Variants in ZNF514 observed in about 807,000 individuals in gnomAD.
ZNF514 encodes zinc finger protein 514.
In ZNF514, 12 loss-of-function variants were observed where a neutral mutation model predicts 9.7. The observed-to-expected ratio is 1.24, with a 90% CI of 0.79 to 2.01. The LOEUF (loss-of-function observed/expected upper bound fraction) is 2.01, where lower values mean the gene tolerates loss of function less well. Among genes scored for constraint, ZNF514 ranks in the 30% most tolerant of loss-of-function variants. ZNF514 has a pLI of 0.00. For synonymous variants in ZNF514, 158 were observed against 163.7 expected, an observed-to-expected ratio of 0.97 and a Z score of 0.27; for missense variants, 467 against 465.5, an observed-to-expected ratio of 1.00 and a Z score of -0.03.
At chr2:95,139,511 G>C in the ZNF514 span, among the ~76,000 whole-genome samples, 1 of 152,158 alleles carries the variant, frequency 6.6e-6, no homozygotes, top group Non-Finnish European at 1.5e-5. Flanking sequence ...GGGGACTGTA[G>C]CCCCTTTCTT....
chr2:95,138,511 G>A, the ZNF514 span, among the ~76,000 whole-genome samples: 1 of 152,210 alleles, frequency 6.6e-6, no homozygotes, highest in Non-Finnish European at 1.5e-5. Flanking sequence ...GGGATCTGTG[G>A]AAGTTTAAAT....
the ZNF514 span, among the ~76,000 whole-genome samples, chr2:95,133,083 C>T: frequency 6.6e-6 from 1 of 152,112 alleles, no homozygotes; most frequent in Non-Finnish European, 1.5e-5. Flanking sequence ...TCTCGTAAAT[C>T]CATGTCATAT....
the ZNF514 span, among the ~76,000 whole-genome samples, chr2:95,134,102 G>GA: frequency 1.3e-5 from 2 of 151,978 alleles, no homozygotes; most frequent in African/African-American, 4.8e-5. Flanking sequence ...AGGACTAAAG[G>GA]AATCTTTTCC....
intron 1 of ZNF514, chr2:95,158,789 T>C (rs1673756007): frequency 2.4e-6 from 3 of 1,239,668 alleles, no homozygotes; most frequent in South Asian, 2.7e-5. Flanking sequence ...CCCAGGAGAC[T>C]GCGGCTTCAG....
At chr2:95,128,648 A>T in the ZNF514 span, among the ~76,000 whole-genome samples, 1 of 151,248 alleles carries the variant, frequency 6.6e-6, no homozygotes, top group Admixed American at 6.6e-5. Context: ...AAGAAAGAAA[A>T]AGGAGGAGGA....
At position 95,145,864 on chromosome 2, in the gene ZNF514, C is replaced by A. The variant is rs1558697741; in HGVS notation, c.*3418G>T. On this transcript the variant is annotated 3_prime_UTR_variant, in exon 5 of 5. Transcript: ENST00000295208. ...TGTCCTGCCCTCCAAAAATCCTTTG[C>A]ACTTCCTACAAGATAAATCCTCACT... 6.6e-6 allele frequency among the ~76,000 whole-genome samples: 1 copy of A among 152,228 alleles called. No individual in the cohort carries two copies. Among genetic ancestry groups the A allele is most frequent in the Non-Finnish European group, 1.5e-5 (1 of 68,040 alleles).
At chr2:95,150,952 A>T (rs1409339299) in intron 4 of ZNF514, among the ~76,000 whole-genome samples, 1 of 152,136 alleles carries the variant, frequency 6.6e-6, no homozygotes, top group African/African-American at 2.4e-5. Context: ...TTTCTTTAAG[A>T]CTTTGCGTAC....
chr2:95,159,646 ACCCCGCGCCAGCCCCCG>A lies in ZNF514; in HGVS notation c.-519_-503del, dbSNP rs1558705144. On this transcript the variant is annotated 5_prime_UTR_variant, in exon 1 of 5. Coordinates refer to ENST00000295208, the MANE Select transcript of ZNF514 (RefSeq NM_032788.3). ...CACCCCGCGCCAGCCCCCGCCCGCC[ACCCCGCGCCAGCCCCCG>A]CCCGCCACCCCGCGCCAGCCCCCGC... 7 of 30,956 alleles carry A rather than the reference ACCCCGCGCCAGCCCCCG, an allele frequency of 2.3e-4. No homozygotes were observed. The highest frequency in any genetic ancestry group is 3.7e-4 in the Non-Finnish European group (5 of 13,506). The allele number at this position is 30,956 out of a possible 1,614,324, so 1.9% of individuals were successfully genotyped here.
intron 4 of ZNF514, 26 bp from the exon 5 acceptor site, chr2:95,150,293 A>G (rs1673502349): frequency 7.1e-7 from 1 of 1,416,460 alleles, no homozygotes; most frequent in Non-Finnish European, 9.5e-7. Context: ...AAAAAAAAAG[A>G]AGACATTCTA....
the ZNF514 span, among the ~76,000 whole-genome samples, chr2:95,123,720 G>C: frequency 1.3e-5 from 2 of 152,188 alleles, no homozygotes; most frequent in Non-Finnish European, 2.9e-5. Flanking sequence ...ATGGAGTGTT[G>C]CTGTGCACAC....
chr2:95,140,974 C>CA (rs1197528069), downstream of ZNF514, among the ~76,000 whole-genome samples: 284 of 113,786 alleles, frequency 2.5e-3, 1 homozygote, highest in South Asian at 0.011. Flanking sequence ...GACTTCATCT[C>CA]AAAAAAAAAA....
rs541646419 is a variant in ZNF514, at chr2:95,146,777, T to G, written c.*2505A>C. ...CAAAATTGTGACAGATGTCTAGGTATAAAGTGATCTGGGTAGGTACAGAAA... is the reference window on the plus strand; with the variant it reads ...CAAAATTGTGACAGATGTCTAGGTAGAAAGTGATCTGGGTAGGTACAGAAA... On this transcript the variant is annotated 3_prime_UTR_variant, in exon 5 of 5. Coordinates refer to ENST00000295208, the MANE Select transcript of ZNF514 (RefSeq NM_032788.3). 1.3e-5 allele frequency among the ~76,000 whole-genome samples: 2 copies of G among 151,908 alleles called. No individual in the cohort carries two copies. The highest frequency in any genetic ancestry group is 4.8e-5 in the African/African-American group (2 of 41,426).
chr2:95,127,564 GTTTTGTTTTTGTTTTTGTTTTTTTGT>G, the ZNF514 span, among the ~76,000 whole-genome samples: 1 of 150,516 alleles, frequency 6.6e-6, no homozygotes, highest in Non-Finnish European at 1.5e-5. Context: ...TTTTTTGGTT[GTTTTGTTTTTGTTTTTGTTTTTTTGT>G]TTTTGTTTTT....
Position 95,153,279 on chromosome 2 carries a change from C to T in ZNF514, c.-6-20G>A, listed in dbSNP as rs1043951222. ...CAGGTCCTGAAACACAGAAGACACT[C>T]CAGTGTCCACTTATATGCTTATCAA... is the stretch of plus-strand genomic sequence containing the variant. On this transcript the variant is annotated intron_variant, in intron 2 of 4. Transcript: ENST00000295208. 22 of 1,611,586 alleles carry T rather than the reference C, an allele frequency of 1.4e-5. No individual in the cohort carries two copies. The highest frequency in any genetic ancestry group is 1.9e-5 in the Non-Finnish European group (22 of 1,178,410).
At chr2:95,132,164 A>C in the ZNF514 span, among the ~76,000 whole-genome samples, 3 of 151,238 alleles carry the variant, frequency 2.0e-5, no homozygotes, top group Non-Finnish European at 4.4e-5. Context: ...AAAAAAAAAA[A>C]AAAAAACAGA....
In ZNF514 at chr2:95,150,272, T is replaced by TAAAA. The variant is rs34282100; in HGVS notation, c.218-9_218-6dup. ...ATTTAGACCTTCTCTTCCAGTCTGT[T>TAAAA]AAAAAAAAAAAAAAAAAAAGAAGAC... On this transcript the variant is annotated splice_region_variant and splice_polypyrimidine_tract_variant and intron_variant, in intron 4 of 4. Coordinates refer to ENST00000295208, the MANE Select transcript of ZNF514 (RefSeq NM_032788.3). 178 of 1,339,852 alleles carry TAAAA rather than the reference T, an allele frequency of 1.3e-4. No individual in the cohort carries two copies. Among genetic ancestry groups the TAAAA allele is most frequent in the South Asian group, 3.7e-4 (22 of 59,834 alleles). The allele number at this position is 1,339,852 out of a possible 1,614,324, so 83.0% of individuals were successfully genotyped here.
Position 95,159,290 on chromosome 2 carries a change from T to G in ZNF514, c.-146A>C. On this transcript the variant is annotated 5_prime_UTR_variant, in exon 1 of 5. Transcript: ENST00000295208. Reference sequence around the variant, plus strand: ...CAGGCTCTGGAACCCAGCTCCCACGTGGATCCACACGCACAGTGGGCTCAG... The same window carrying G: ...CAGGCTCTGGAACCCAGCTCCCACGGGGATCCACACGCACAGTGGGCTCAG... 3.8e-5 allele frequency: 6 copies of G among 156,966 alleles called. No individual in the cohort carries two copies. The highest frequency in any genetic ancestry group is 6.4e-5 in the Admixed American group (1 of 15,526). The allele number at this position is 156,966 out of a possible 1,614,324, so 9.7% of individuals were successfully genotyped here.
rs113924669 is a variant in ZNF514, at chr2:95,149,974, T to C, written c.511A>G (p.Ser171Gly). 1.2e-6 allele frequency: 2 copies of C among 1,614,250 alleles called. No homozygotes were observed. Among genetic ancestry groups the C allele is most frequent in the Admixed American group, 1.7e-5 (1 of 60,028 alleles). ...TAAGATCCTTCTCCCATGAGAATGC[T>C]GTGTTGGTTAACAAGGACTGATCTT... ...GLRSVLVNQH[S>G]ILMGEGSYKC... is the part of the protein sequence containing the mutation. The change falls in exon 5 of 5, where the codon AGC becomes GGC. Residue 171 changes from serine to glycine, a missense_variant. Coordinates refer to ENST00000295208, the MANE Select transcript of ZNF514 (RefSeq NM_032788.3).
the ZNF514 span, among the ~76,000 whole-genome samples, chr2:95,128,525 CA>C: frequency 1.3e-5 from 2 of 152,062 alleles, no homozygotes; most frequent in Non-Finnish European, 2.9e-5. Context: ...CACTGCACTC[CA>C]GCCTGGGCGA....
Sources: gnomAD v4.1 joint callset for allele counts (sites outside exome capture counted in the v4.1 genomes callset) on GRCh38, gnomAD v4.1.1 for gene constraint, MANE v1.5 for transcripts, NCBI Gene and HGNC (gene_info 2026-07-23, HGNC 2026-07-21) for gene names.